The following EFHD1 variants were observed in gnomAD, a reference collection of about 807,000 sequenced individuals.
EFHD1 encodes the protein EF-hand domain-containing protein D1.
Under a neutral mutation model 17.2 loss-of-function variants are expected in EFHD1, and 10 were observed. The ratio of observed to expected loss-of-function variants is 0.58; its 90% CI spans 0.36 to 0.99. The LOEUF (loss-of-function observed/expected upper bound fraction) is 0.99. EFHD1 is among the 50% of genes least tolerant of loss of function. EFHD1 has a pLI of 0.01. For synonymous variants in EFHD1, 153 were observed against 142.0 expected (o/e 1.08, Z -0.55); for missense variants, 310 against 327.5 (o/e 0.95, Z 0.41).
intron 1 of EFHD1, among the ~76,000 whole-genome samples, chr2:232,660,207 T>A (rs916979992): frequency 3.3e-5 from 5 of 151,782 alleles, no homozygotes; most frequent in East Asian, 1.9e-4. Flanking sequence ...TATTTATTTT[T>A]TTTTTGAGGC....
At chr2:232,646,077 C>T (rs915376830) in intron 1 of EFHD1, among the ~76,000 whole-genome samples, 3 of 152,202 alleles carry the variant, frequency 2.0e-5, no homozygotes, top group African/African-American at 7.2e-5. Context: ...CTGCCTCAGA[C>T]CTGGCCTCCC....
chr2:232,619,108 G>A (rs181918885), intron 1 of EFHD1, among the ~76,000 whole-genome samples: 5,111 of 151,778 alleles, frequency 0.034, 306 homozygotes, highest in African/African-American at 0.12. Flanking sequence ...AGCCGAGATC[G>A]CGCCATTGCA....
In EFHD1 at chr2:232,633,703, C is replaced by A; in HGVS notation, c.-2C>A. 1 of 1,444,466 alleles carries A rather than the reference C, an allele frequency of 6.9e-7. No homozygotes were observed. The highest frequency in any genetic ancestry group is 9.0e-7 in the Non-Finnish European group (1 of 1,108,396). 89.5% of individuals were successfully genotyped at this position (1,444,466 alleles called of 1,614,324 possible). On this transcript the variant is annotated 5_prime_UTR_variant, in exon 1 of 4. Coordinates refer to ENST00000264059, the MANE Select transcript of EFHD1 (RefSeq NM_025202.4). ...CGTTCCCGCGTCCTGCGATCCGCCG[C>A]CATGGCCAGTGAGGAGCTGGCGTGC...
chr2:232,643,735 G>A (rs1694474402), intron 1 of EFHD1, among the ~76,000 whole-genome samples: 1 of 152,148 alleles, frequency 6.6e-6, no homozygotes, highest in Non-Finnish European at 1.5e-5. Flanking sequence ...CCAGGCTGGA[G>A]TGCAGTGGCA....
chr2:232,627,641 TCTAA>T (rs1263068412), intron 1 of EFHD1, among the ~76,000 whole-genome samples: 1 of 152,162 alleles, frequency 6.6e-6, no homozygotes, highest in African/African-American at 2.4e-5. Flanking sequence ...AGATGTGATA[TCTAA>T]CTATCTTCTA....
At chr2:232,618,500 T>TC (rs1227977315) in intron 1 of EFHD1, among the ~76,000 whole-genome samples, 2 of 151,648 alleles carry the variant, frequency 1.3e-5, no homozygotes, top group African/African-American at 2.4e-5. Context: ...AGGCAGCTGA[T>TC]CACATGAGTC....
chr2:232,620,988 G>A (rs928157026), intron 1 of EFHD1, among the ~76,000 whole-genome samples: 9 of 152,146 alleles, frequency 5.9e-5, no homozygotes, highest in African/African-American at 2.2e-4. Flanking sequence ...GAGGGGCACG[G>A]ATGGCAAGGA....
intron 1 of EFHD1, among the ~76,000 whole-genome samples, chr2:232,613,627 C>T (rs62191596): frequency 1.4e-4 from 19 of 138,210 alleles, no homozygotes; most frequent in Non-Finnish European, 2.4e-4. Flanking sequence ...CACACACACA[C>T]ACACATATAC....
intron 2 of EFHD1, among the ~76,000 whole-genome samples, chr2:232,666,963 T>G (rs1694978296): frequency 6.6e-6 from 1 of 152,234 alleles, no homozygotes; most frequent in African/African-American, 2.4e-5. Flanking sequence ...TCAGTGTTTG[T>G]GTCCTTAAAA....
intron 1 of EFHD1, 105 bp from the exon 2 acceptor site, chr2:232,662,697 G>A: frequency 2.0e-6 from 3 of 1,478,996 alleles, no homozygotes; most frequent in Middle Eastern, 1.9e-4. Context: ...CGCAGAGCGG[G>A]AGGTATTTGA....
rs954185403 is a variant in EFHD1 at position 232,681,838 on chromosome 2, C to T, written c.*119C>T. On this transcript the variant is annotated 3_prime_UTR_variant, in exon 4 of 4. Coordinates refer to ENST00000264059, the MANE Select transcript of EFHD1 (RefSeq NM_025202.4). ...CCTGAGCCAGCATCTCCATCCACCA[C>T]CCCGTGCCAGCTCCCGTGCCAGCCT... The T allele has an allele frequency of 3.6e-5, 51 of 1,421,472 alleles. No individual in the cohort carries two copies. Among genetic ancestry groups the T allele is most frequent in the Admixed American group, 2.2e-4 (9 of 40,038 alleles). The allele number at this position is 1,421,472 out of a possible 1,614,324, so 88.1% of individuals were successfully genotyped here.
At chr2:232,648,881 G>A (rs949270178) in intron 1 of EFHD1, among the ~76,000 whole-genome samples, 2 of 152,132 alleles carry the variant, frequency 1.3e-5, no homozygotes, top group Admixed American at 6.5e-5. Flanking sequence ...AAGAGAAGAA[G>A]GTACTCTTGT....
intron 1 of EFHD1, among the ~76,000 whole-genome samples, chr2:232,609,969 A>G (rs1026963989): frequency 6.6e-6 from 1 of 152,084 alleles, no homozygotes; most frequent in East Asian, 1.9e-4. Context: ...TCCCTGTGGA[A>G]TGACAGGGGC....
chr2:232,631,704 A>AAC (rs1317938409), upstream of EFHD1, among the ~76,000 whole-genome samples: 1 of 139,766 alleles, frequency 7.2e-6, no homozygotes, highest in African/African-American at 3.1e-5. Context: ...AAAAAAAAAA[A>AAC]AACAAAAACA....
chr2:232,638,185 A>C, intron 1 of EFHD1: 7 of 356,082 alleles, frequency 2.0e-5, no homozygotes, highest in East Asian at 1.5e-4. Context: ...CTGGTGGAGC[A>C]GTCAAGGTTA....
At chr2:232,654,869 TC>T (rs1174275855) in intron 1 of EFHD1, among the ~76,000 whole-genome samples, 1 of 152,178 alleles carries the variant, frequency 6.6e-6, no homozygotes, top group Non-Finnish European at 1.5e-5. Context: ...GTGCTTCCTC[TC>T]CCAGCTGAGG....
chr2:232,632,811 A>G (rs573880696), upstream of EFHD1, among the ~76,000 whole-genome samples: 1 of 152,256 alleles, frequency 6.6e-6, no homozygotes, highest in Admixed American at 6.5e-5. Flanking sequence ...AAGTTTTTGT[A>G]GAGACAGTCT....
intron 2 of EFHD1, among the ~76,000 whole-genome samples, chr2:232,665,332 CCCCACAGGGA>C (rs1309721905): frequency 6.6e-6 from 1 of 152,190 alleles, no homozygotes; most frequent in East Asian, 1.9e-4. Flanking sequence ...AAGGATGCCA[CCCCACAGGGA>C]AGGGAATTTC....
At chr2:232,627,034 CTCTA>C (rs1424864867) in intron 1 of EFHD1, among the ~76,000 whole-genome samples, 14 of 64,164 alleles carry the variant, frequency 2.2e-4, no homozygotes, top group African/African-American at 5.9e-4. Context: ...CTCTCTCTCT[CTCTA>C]TATATATATA....
Sources: allele counts gnomAD v4.1 joint callset (sites outside exome capture counted in the v4.1 genomes callset), GRCh38; gene constraint gnomAD v4.1.1; transcripts MANE v1.5; gene names NCBI Gene and HGNC (gene_info 2026-07-23, HGNC 2026-07-21).